The following TECPR2 variants were observed in gnomAD, a reference collection of about 807,000 sequenced individuals.
The protein encoded by TECPR2 is tectonin beta-propeller repeat containing 2, also known as tectonin beta-propeller repeat-containing protein 2.
A neutral mutation model predicts 138.1 loss-of-function variants in TECPR2; 65 were observed. The ratio of observed to expected loss-of-function variants is 0.47; its 90% CI spans 0.39 to 0.58. The LOEUF (loss-of-function observed/expected upper bound fraction) is 0.58. Among genes scored for constraint, TECPR2 ranks in the 20% least tolerant of loss-of-function variants. The pLI is 0.00. For synonymous variants in TECPR2, 746 were observed against 749.8 expected (o/e 0.99, Z 0.08); for missense variants, 1,553 against 1,824.5 (o/e 0.85, Z 2.71).
chr14:102,376,709 G>A lies in TECPR2; in HGVS notation c.-13G>A. 1 of 1,613,164 alleles carries A rather than the reference G, an allele frequency of 6.2e-7. No individual in the cohort carries two copies. The highest frequency in any genetic ancestry group is 8.5e-7 in the Non-Finnish European group (1 of 1,179,114). On this transcript the variant is annotated 5_prime_UTR_variant, in exon 2 of 20. Transcript: ENST00000359520. ...CTTTTCCTGCGTGAAGATAGTCTGT[G>A]GAAACCTTGGCCATGGCATCGATAT...
chr14:102,387,420 A>G (rs1218147261), intron 2 of TECPR2, among the ~76,000 whole-genome samples: 2 of 152,298 alleles, frequency 1.3e-5, no homozygotes, highest in East Asian at 3.9e-4. Flanking sequence ...GACCAAAAAG[A>G]CTACCTGACC....
At chr14:102,389,773 CT>C (rs1424571492) in intron 2 of TECPR2, among the ~76,000 whole-genome samples, 1 of 152,164 alleles carries the variant, frequency 6.6e-6, no homozygotes, top group African/African-American at 2.4e-5. Flanking sequence ...TTGTCTGTTT[CT>C]GCTTTAGATC....
intron 16 of TECPR2, among the ~76,000 whole-genome samples, chr14:102,464,348 G>T (rs550626410): frequency 1.3e-5 from 2 of 152,260 alleles, no homozygotes; most frequent in African/African-American, 4.8e-5. Context: ...CTCAATAGCA[G>T]TAAGAAATAA....
chr14:102,421,266 A>G (rs948292360), intron 5 of TECPR2, among the ~76,000 whole-genome samples: 17 of 152,228 alleles, frequency 1.1e-4, no homozygotes, highest in African/African-American at 3.6e-4. Context: ...GGTTCGCTCT[A>G]TTTAGAGGAC....
chr14:102,407,986 G>A (rs550215675), intron 3 of TECPR2, among the ~76,000 whole-genome samples: 3 of 150,902 alleles, frequency 2.0e-5, no homozygotes, highest in African/African-American at 7.3e-5. Context: ...GACAGAGGGA[G>A]ACTCCATCTA....
intron 2 of TECPR2, among the ~76,000 whole-genome samples, chr14:102,401,439 C>CA (rs35011003): frequency 0.041 from 2,314 of 56,714 alleles, 70 homozygotes; most frequent in African/African-American, 0.1. Context: ...AACTCCATCT[C>CA]AAAAAAAAAA....
intron 12 of TECPR2, among the ~76,000 whole-genome samples, chr14:102,445,088 T>G (rs1889936635): frequency 6.6e-6 from 1 of 152,224 alleles, no homozygotes; most frequent in African/African-American, 2.4e-5. Context: ...GGACACCCAT[T>G]AGCACAGATG....
intron 3 of TECPR2, among the ~76,000 whole-genome samples, chr14:102,407,922 G>T (rs142824411): frequency 6.6e-6 from 1 of 152,054 alleles, no homozygotes; most frequent in African/African-American, 2.4e-5. Context: ...GCGTGAACCC[G>T]GAAGACGGAG....
intron 17 of TECPR2, among the ~76,000 whole-genome samples, chr14:102,487,315 A>G (rs1007630430): frequency 1.3e-5 from 2 of 152,224 alleles, no homozygotes; most frequent in Admixed American, 6.5e-5. Flanking sequence ...AAGTTCTGAT[A>G]AGTCCATGCC....
rs776581797 is a variant in TECPR2 at position 102,418,836 on chromosome 14, C to T, written c.638+4043C>T. ...GGCAGAGCTGGCAGATTTGCTGCCA[C>T]GTTGGTTCTGAGGTGTGAGAGGGAT... On this transcript the variant is annotated intron_variant, in intron 5 of 19. Coordinates refer to ENST00000359520, the MANE Select transcript of TECPR2 (RefSeq NM_014844.5). 1.9e-4 allele frequency among the ~76,000 whole-genome samples: 29 copies of T among 152,116 alleles called. 1 individual carries two copies. Among genetic ancestry groups the T allele is most frequent in the African/African-American group, 2.9e-4 (12 of 41,434 alleles).
intron 17 of TECPR2, among the ~76,000 whole-genome samples, chr14:102,486,596 C>G (rs528560073): frequency 6.6e-6 from 1 of 152,314 alleles, no homozygotes; most frequent in South Asian, 2.1e-4. Context: ...AAGGCCAGGG[C>G]CCCACAGGCG....
In TECPR2 at chr14:102,452,521, G is replaced by A. The variant is rs1268269947; in HGVS notation, c.3534G>A (p.Gln1178=). ...AGATGCGCGCCTATGCCGCCTGCCA[G>A]GATGCGCTGTGGGCGCTGGACAGCC... is the stretch of plus-strand genomic sequence containing the variant. ...EAEMRAYAAC[Q]DALWALDSLG... The change falls in exon 16 of 20, where the codon CAG becomes CAA. Residue 1178 remains glutamine (Q), a synonymous_variant. Coordinates refer to ENST00000359520, the MANE Select transcript of TECPR2 (RefSeq NM_014844.5). 6.2e-7 allele frequency: 1 copy of A among 1,612,646 alleles called. No individual in the cohort carries two copies. Among genetic ancestry groups the A allele is most frequent in the Non-Finnish European group, 8.5e-7 (1 of 1,179,742 alleles).
At chr14:102,454,436 G>A (rs1357864995) in intron 16 of TECPR2, among the ~76,000 whole-genome samples, 1 of 152,152 alleles carries the variant, frequency 6.6e-6, no homozygotes, top group African/African-American at 2.4e-5. Flanking sequence ...GGGACTGAAG[G>A]TTTGTCCAGG....
At chr14:102,437,986 C>T (rs1433838571) in intron 9 of TECPR2, 36 bp from the exon 10 acceptor site, 1 of 1,602,342 alleles carries the variant, frequency 6.2e-7, no homozygotes, top group Non-Finnish European at 8.5e-7. Flanking sequence ...TGGCTGTGTC[C>T]TCTGCCACAG....
intron 14 of TECPR2, 24 bp downstream of exon 14, chr14:102,449,893 A>T (rs1247498293): frequency 6.2e-7 from 1 of 1,608,840 alleles, no homozygotes; most frequent in South Asian, 1.1e-5. Flanking sequence ...TGTAATTTTC[A>T]CACTGGCTTT....
chr14:102,396,496 G>A (rs1215483722), intron 2 of TECPR2, among the ~76,000 whole-genome samples: 4 of 151,712 alleles, frequency 2.6e-5, no homozygotes, highest in Admixed American at 1.3e-4. Context: ...TTGTTTTTTT[G>A]TGTTTTCATT....
chr14:102,428,226 T>TTTTTTTTTTTTTTTTTTTTTTTTG, intron 6 of TECPR2, 24 bp from the exon 7 acceptor site: 1 of 1,145,362 alleles, frequency 8.7e-7, no homozygotes, highest in Non-Finnish European at 1.1e-6. Flanking sequence ...TTTTTTGTTT[T>TTTTTTTTTTTTTTTTTTTTTTTTG]TTTTTTTTTT....
At chr14:102,363,653 T>G (rs1269172055) in intron 1 of TECPR2, among the ~76,000 whole-genome samples, 1 of 152,150 alleles carries the variant, frequency 6.6e-6, no homozygotes, top group Non-Finnish European at 1.5e-5. Flanking sequence ...AGGTAGTAAG[T>G]GTTAAAGGAT....
rs1206091601 is a variant in TECPR2, at chr14:102,440,458, A to G, written c.2601A>G (p.Glu867=). 1 of 1,614,214 alleles carries G rather than the reference A, an allele frequency of 6.2e-7. No homozygotes were observed. The highest frequency in any genetic ancestry group is 8.5e-7 in the Non-Finnish European group (1 of 1,180,032). ...SPSGALLWKI[E]QKSNRAFACG... ...TAGGAGCCCTTCTCTGGAAGATTGA[A>G]CAGAAATCTAACCGGGCTTTTGCTT... The change falls in exon 11 of 20, where the codon GAA becomes GAG. Residue 867 remains glutamate, a synonymous_variant. Transcript: ENST00000359520.
Sources: gnomAD v4.1 joint callset for allele counts (sites outside exome capture counted in the v4.1 genomes callset) on GRCh38, gnomAD v4.1.1 for gene constraint, MANE v1.5 for transcripts, NCBI Gene and HGNC (gene_info 2026-07-23, HGNC 2026-07-21) for gene names.